CTNNA2: variants seen among roughly 807,000 people sequenced by gnomAD.
CTNNA2 encodes the protein catenin alpha-2.
CTNNA2 carries 42 observed loss-of-function variants against 101.0 expected under a neutral mutation model. That is an observed-to-expected ratio of 0.42 (90% CI 0.32 to 0.54). CTNNA2 has a LOEUF of 0.54. CTNNA2 is among the 20% of genes least tolerant of loss of function. CTNNA2 has a pLI of 0.14. For synonymous variants in CTNNA2, 450 were observed against 456.4 expected, an observed-to-expected ratio of 0.99 and a Z score of 0.18; for missense variants, 871 against 1,223.1, an observed-to-expected ratio of 0.71 and a Z score of 4.29.
chr2:80,589,591 C>A, intron 15 of CTNNA2, 106 bp downstream of exon 15: 1 of 1,030,640 alleles, frequency 9.7e-7, no homozygotes, highest in Non-Finnish European at 1.4e-6. Flanking sequence ...TATACCAACG[C>A]AAGGTGGTGG....
At chr2:79,568,341 C>T (rs1675242698) in intron 1 of CTNNA2, among the ~76,000 whole-genome samples, 1 of 152,168 alleles carries the variant, frequency 6.6e-6, no homozygotes, top group Non-Finnish European at 1.5e-5. Flanking sequence ...GTGGCTCACA[C>T]CTGTAATCCC....
intron 2 of CTNNA2, among the ~76,000 whole-genome samples, chr2:79,267,339 A>C (rs922785163): frequency 6.6e-6 from 1 of 152,010 alleles, no homozygotes; most frequent in African/African-American, 2.4e-5. Context: ...TCACTGTCTG[A>C]TGAGGACATG....
At chr2:80,495,475 A>C (rs922532248) in intron 9 of CTNNA2, among the ~76,000 whole-genome samples, 1 of 152,144 alleles carries the variant, frequency 6.6e-6, no homozygotes, top group Non-Finnish European at 1.5e-5. Context: ...ACCTCCCCCA[A>C]CCACCAAAAA....
chr2:80,365,279 G>A (rs1009099544), intron 7 of CTNNA2, among the ~76,000 whole-genome samples: 3 of 152,160 alleles, frequency 2.0e-5, no homozygotes, highest in African/African-American at 4.8e-5. Context: ...CACTTGGAGA[G>A]TAGCTTTCTT....
intron 3 of CTNNA2, among the ~76,000 whole-genome samples, chr2:79,855,531 A>G (rs929102243): frequency 1.4e-4 from 22 of 152,318 alleles, no homozygotes; most frequent in African/African-American, 4.8e-4. Context: ...CGAATGTTCA[A>G]TCTCAACTTG....
In CTNNA2 at chr2:79,810,536, T is replaced by C. The variant is rs1341340218; in HGVS notation, c.299-47477T>C. On this transcript the variant is annotated intron_variant, in intron 3 of 18. Coordinates refer to ENST00000402739, the MANE Select transcript of CTNNA2 (RefSeq NM_001282597.3). ...CTTTTCTTTTCTTTTCTTTTTTTTT[T>C]TTTGTTATACTTTAAGTTTTAGGGT... is the stretch of plus-strand genomic sequence containing the variant. 2.4e-4 allele frequency among the ~76,000 whole-genome samples: 36 copies of C among 152,024 alleles called. No individual in the cohort carries two copies. In the South Asian group the frequency reaches 7.1e-3, roughly 30 times the overall value.
At chr2:80,487,243 T>C (rs1368416543) in intron 9 of CTNNA2, among the ~76,000 whole-genome samples, 1 of 143,426 alleles carries the variant, frequency 7.0e-6, no homozygotes, top group African/African-American at 2.6e-5. Flanking sequence ...GTCACACCAC[T>C]GCACTCCAGC....
intron 3 of CTNNA2, among the ~76,000 whole-genome samples, chr2:79,803,624 C>G (rs1171629431): frequency 6.6e-6 from 1 of 152,240 alleles, no homozygotes; most frequent in Non-Finnish European, 1.5e-5. Context: ...AAACCCACAA[C>G]CTTCCAGTGC....
chr2:79,729,246 G>A (rs1394481924), intron 2 of CTNNA2, among the ~76,000 whole-genome samples: 2 of 152,164 alleles, frequency 1.3e-5, no homozygotes, highest in East Asian at 3.9e-4. Context: ...GTGGTTGTAT[G>A]TTCAATATTA....
intron 7 of CTNNA2, among the ~76,000 whole-genome samples, chr2:80,384,790 T>G (rs1289050566): frequency 6.6e-6 from 1 of 152,034 alleles, no homozygotes; most frequent in Non-Finnish European, 1.5e-5. Flanking sequence ...TGCCAAGACA[T>G]GAACTCCTCA....
intron 7 of CTNNA2, among the ~76,000 whole-genome samples, chr2:80,266,844 C>T (rs182742847): frequency 6.3e-4 from 96 of 152,272 alleles, no homozygotes; most frequent in Non-Finnish European, 1.3e-4. Flanking sequence ...AGGCATCTTC[C>T]TAAAACTCTC....
chr2:79,444,782 A>C lies in CTNNA2; in HGVS notation c.-134-60272A>C, dbSNP rs536183538. 3.9e-5 allele frequency among the ~76,000 whole-genome samples: 6 copies of C among 152,214 alleles called. No homozygotes were observed. In the South Asian group the frequency reaches 1.2e-3, roughly 32 times the overall value. Reference sequence around the variant, plus strand: ...GAGCATCAATGTCTCTGCAAGGAGGAGAAAGGGAATTAGGTCACCACTTGC... The same window carrying C: ...GAGCATCAATGTCTCTGCAAGGAGGCGAAAGGGAATTAGGTCACCACTTGC... On this transcript the variant is annotated intron_variant, in intron 4 of 21. Coordinates refer to the CTNNA2 transcript ENST00000466387.
At chr2:79,254,575 T>C (rs1466754625) in intron 2 of CTNNA2, among the ~76,000 whole-genome samples, 1 of 152,198 alleles carries the variant, frequency 6.6e-6, no homozygotes, top group African/African-American at 2.4e-5. Flanking sequence ...CCTTGCTTCC[T>C]ATATAGCCTG....
intron 4 of CTNNA2, among the ~76,000 whole-genome samples, chr2:79,422,519 T>C (rs935422446): frequency 2.0e-5 from 3 of 152,186 alleles, no homozygotes; most frequent in Non-Finnish European, 2.9e-5. Flanking sequence ...CAGTCTTCCA[T>C]GGTTTTCTTC....
At chr2:80,368,867 G>GTGTGTGTATATA (rs112571951) in intron 7 of CTNNA2, among the ~76,000 whole-genome samples, 3 of 144,734 alleles carry the variant, frequency 2.1e-5, no homozygotes, top group African/African-American at 7.8e-5. Flanking sequence ...GTGTGTGTGT[G>GTGTGTGTATATA]TATATATATA....
intron 7 of CTNNA2, among the ~76,000 whole-genome samples, chr2:80,084,703 T>A (rs969319848): frequency 2.6e-5 from 4 of 152,114 alleles, no homozygotes; most frequent in Non-Finnish European, 2.9e-5. Context: ...TTAGGGAATT[T>A]TCTAACTGAT....
At chr2:80,476,157 A>AT (rs549715116) in intron 9 of CTNNA2, among the ~76,000 whole-genome samples, 86 of 152,260 alleles carry the variant, frequency 5.6e-4, no homozygotes, top group Non-Finnish European at 9.3e-4. Context: ...AGCTGAACCC[A>AT]TGACCACAGA....
chr2:79,289,857 G>C (rs1316249878), intron 2 of CTNNA2, among the ~76,000 whole-genome samples: 1 of 152,188 alleles, frequency 6.6e-6, no homozygotes. Flanking sequence ...ATAATACTTA[G>C]GAGTGAGGGC....
chr2:79,308,143 C>T (rs1378901082), intron 2 of CTNNA2, among the ~76,000 whole-genome samples: 1 of 152,154 alleles, frequency 6.6e-6, no homozygotes, highest in Non-Finnish European at 1.5e-5. Flanking sequence ...TTCCCAGGTT[C>T]AAGTGATTCT....
Sources: gnomAD v4.1 joint callset for allele counts (sites outside exome capture counted in the v4.1 genomes callset) on GRCh38, gnomAD v4.1.1 for gene constraint, MANE v1.5 for transcripts, NCBI Gene and HGNC (gene_info 2026-07-23, HGNC 2026-07-21) for gene names.